TEX29: variants seen among roughly 807,000 people sequenced by gnomAD.
TEX29 encodes testis expressed 29, also known as testis-expressed protein 29.
TEX29 carries 26 observed loss-of-function variants against 18.2 expected under a neutral mutation model. The ratio of observed to expected loss-of-function variants is 1.43; its 90% confidence interval spans 1.04 to 1.98. The LOEUF is 1.98. Ranked by LOEUF, TEX29 falls within the 30% of genes most tolerant of loss-of-function variation. The pLI, the probability that TEX29 is intolerant of heterozygous loss-of-function variation, is 0.00. For missense variants in TEX29, 177 were observed against 194.2 expected (o/e 0.91, Z 0.53); for synonymous variants, 83 against 78.5 (o/e 1.06, Z -0.31).
At chr13:111,339,619 G>A (rs1187481290) in intron 3 of TEX29, among the ~76,000 whole-genome samples, 1 of 152,094 alleles carries the variant, frequency 6.6e-6, no homozygotes, top group African/African-American at 2.4e-5. Context: ...TGTCCTCTGG[G>A]TGGCACTGAC....
chr13:111,339,464 C>A, intron 3 of TEX29: 1 of 418,438 alleles, frequency 2.4e-6, no homozygotes, highest in South Asian at 1.8e-5. Flanking sequence ...CATCTCTCAG[C>A]ACAACCCCGT....
At chr13:111,340,227 C>A (rs543473773) in intron 4 of TEX29, among the ~76,000 whole-genome samples, 85 of 120,530 alleles carry the variant, frequency 7.1e-4, no homozygotes, top group African/African-American at 2.9e-3. Flanking sequence ...AAATCATAAC[C>A]CATGTTTAGT....
At chr13:111,340,102 CT>C (rs1190525624) in intron 4 of TEX29, among the ~76,000 whole-genome samples, 170 bp downstream of exon 4, 3 of 152,174 alleles carry the variant, frequency 2.0e-5, no homozygotes, top group Non-Finnish European at 2.9e-5. Flanking sequence ...GAGGGCCCCA[CT>C]GATTTTCTCC....
Position 111,339,913 on chromosome 13 carries a change from G to A in TEX29, c.220G>A (p.Val74Ile), listed in dbSNP as rs201641311. ...ALIVIIAGAF[V>I]ITIIYRVIQE... is the part of the protein sequence containing the mutation. ...GATTGTGATCATCGCTGGGGCCTTC[G>A]TCATCACCATCATCTACAGGTCGGT... The change falls in exon 4 of 6, where the codon GTC becomes ATC. Residue 74 changes from valine (V) to isoleucine (I), a missense_variant. Transcript: ENST00000283547. 151 of 1,599,274 alleles carry A rather than the reference G, an allele frequency of 9.4e-5. No individual in the cohort carries two copies. The highest frequency in any genetic ancestry group is 1.8e-4 in the East Asian group (8 of 44,876).
chr13:111,317,064 C>T (rs919178157), upstream of TEX29, among the ~76,000 whole-genome samples: 3 of 152,120 alleles, frequency 2.0e-5, no homozygotes, highest in African/African-American at 2.4e-5. Context: ...GATTACAATT[C>T]GAGATGAGAT....
At chr13:111,334,903 G>A (rs2093687499) in intron 3 of TEX29, among the ~76,000 whole-genome samples, 1 of 152,206 alleles carries the variant, frequency 6.6e-6, no homozygotes, top group Non-Finnish European at 1.5e-5. Context: ...CAGGCTGCTG[G>A]CTTTACCATG....
chr13:111,316,577 C>T (rs1052213508), upstream of TEX29, among the ~76,000 whole-genome samples: 4 of 152,196 alleles, frequency 2.6e-5, no homozygotes, highest in African/African-American at 4.8e-5. Flanking sequence ...GGGAGTGTAA[C>T]GCTGGGCCCG....
chr13:111,320,976 GGTGGGGTGGGGGA>G, intron 2 of TEX29, 28 bp downstream of exon 2: 5 of 1,430,740 alleles, frequency 3.5e-6, no homozygotes, highest in African/African-American at 1.5e-5. Context: ...CAGGGGGGCG[GGTGGGGTGGGGGA>G]GCAGTTGGGG....
At chr13:111,324,120 G>A (rs868689984) in intron 2 of TEX29, among the ~76,000 whole-genome samples, 1 of 152,166 alleles carries the variant, frequency 6.6e-6, no homozygotes, top group Non-Finnish European at 1.5e-5. Flanking sequence ...GGTGCTGGTG[G>A]CAATCGTGAC....
Position 111,342,841 on chromosome 13 carries a change from T to C in TEX29, c.325T>C (p.Ser109Pro), listed in dbSNP as rs1186777097. 2 of 1,614,024 alleles carry C rather than the reference T, an allele frequency of 1.2e-6. No individual in the cohort carries two copies. Among genetic ancestry groups the C allele is most frequent in the African/African-American group, 2.7e-5 (2 of 74,910 alleles). Residue 109 changes from serine to proline, a missense_variant, in exon 5 of 6, where the codon TCA becomes CCA. By Grantham distance (74) the Ser-to-Pro change is moderately conservative. Coordinates refer to ENST00000283547, the MANE Select transcript of TEX29 (RefSeq NM_152324.3). Reference protein sequence around the residue: ...QKSSEKAELASSSSKLGLKPA... With the variant: ...QKSSEKAELAPSSSKLGLKPA... ...GTCCAGCGAAAAGGCGGAGTTGGCCTCATCCAGCAGCAAGTTAGGGCTGAA... is the reference window on the plus strand; with the variant it reads ...GTCCAGCGAAAAGGCGGAGTTGGCCCCATCCAGCAGCAAGTTAGGGCTGAA...
chr13:111,330,435 C>T (rs971041398), intron 3 of TEX29, among the ~76,000 whole-genome samples: 1 of 152,224 alleles, frequency 6.6e-6, no homozygotes, highest in African/African-American at 2.4e-5. Flanking sequence ...GACGACGGCT[C>T]CTGCAGATCC....
intron 2 of TEX29, 42 bp downstream of exon 2, chr13:111,320,990 G>GGGGGGGGGGGGGGGGGGGGGGGGGGCTC: frequency 2.5e-6 from 1 of 404,332 alleles, no homozygotes; most frequent in Non-Finnish European, 4.5e-6. Flanking sequence ...GGGTGGGGGA[G>GGGGGGGGGGGGGGGGGGGGGGGGGGCTC]CAGTTGGGGG....
At chr13:111,328,716 G>C (rs1188173960) in intron 3 of TEX29, among the ~76,000 whole-genome samples, 1 of 152,194 alleles carries the variant, frequency 6.6e-6, no homozygotes, top group East Asian at 1.9e-4. Context: ...TGTCCACCAG[G>C]GGCTCTGTGA....
chr13:111,323,255 AG>A, intron 2 of TEX29, among the ~76,000 whole-genome samples: 1 of 152,214 alleles, frequency 6.6e-6, no homozygotes, highest in African/African-American at 2.4e-5. Flanking sequence ...GCTGGCTCCC[AG>A]GGCACCATGT....
Position 111,342,891 on chromosome 13 carries a change from T to G in TEX29, c.375T>G (p.Ser125Arg), listed in dbSNP as rs1360476089. 1 of 1,614,154 alleles carries G rather than the reference T, an allele frequency of 6.2e-7. No homozygotes were observed. The highest frequency in any genetic ancestry group is 1.7e-5 in the Admixed American group (1 of 60,022). Residue 125 changes from serine to arginine, a missense_variant, in exon 5 of 6, where the codon AGT (serine) becomes AGG (arginine). Ser to Arg is a moderately radical substitution (Grantham distance 110). Transcript: ENST00000283547. ...GLKPASPGPP[S>R]AGPSMKSDED... ...AGCCTGCGAGTCCTGGGCCTCCAAG[T>G]GCTGGGCCCTCGATGAAGAGTGACG...
intron 1 of TEX29, 39 bp downstream of exon 1, chr13:111,320,801 G>T: frequency 6.5e-7 from 1 of 1,547,580 alleles, no homozygotes; most frequent in Non-Finnish European, 8.9e-7. Flanking sequence ...TGAGCCGCCC[G>T]CTCCCCAAAC....
At position 111,339,848 on chromosome 13, in the gene TEX29, C is replaced by A; in HGVS notation, c.170-15C>A. On this transcript the variant is annotated splice_polypyrimidine_tract_variant and intron_variant, in intron 3 of 5. Transcript: ENST00000283547. ...TACCTGGATCGAAATGACTTCAAAT[C>A]CCACCATTTTTCAGTTTACATCCAC... The A allele has an allele frequency of 1.9e-6, 3 of 1,613,748 alleles. No individual in the cohort carries two copies. Among genetic ancestry groups the A allele is most frequent in the Non-Finnish European group, 2.5e-6 (3 of 1,179,646 alleles).
At chr13:111,339,733 G>A (rs779878462) in intron 3 of TEX29, 130 bp from the exon 4 acceptor site, 7 of 783,986 alleles carry the variant, frequency 8.9e-6, no homozygotes, top group Admixed American at 1.9e-5. Flanking sequence ...GAGGGTGGGT[G>A]AGGAGTGCTG....
chr13:111,338,343 A>G (rs761104125), intron 3 of TEX29, among the ~76,000 whole-genome samples: 6 of 152,206 alleles, frequency 3.9e-5, no homozygotes, highest in Admixed American at 6.5e-5. Context: ...CAGCCACGTG[A>G]CAATAGGGGC....
Sources: gnomAD v4.1 joint callset for allele counts (sites outside exome capture counted in the v4.1 genomes callset) on GRCh38, gnomAD v4.1.1 for gene constraint, MANE v1.5 for transcripts, NCBI Gene and HGNC (gene_info 2026-07-23, HGNC 2026-07-21) for gene names.